PLEKHA5: variants seen among roughly 807,000 people sequenced by gnomAD.
The protein encoded by PLEKHA5 is pleckstrin homology domain-containing family A member 5.
PLEKHA5 carries 55 observed loss-of-function variants against 181.9 expected under a neutral mutation model. The ratio of observed to expected loss-of-function variants is 0.30; its 90% CI spans 0.24 to 0.38. The LOEUF (loss-of-function observed/expected upper bound fraction) is 0.38, where lower values mean the gene tolerates loss of function less well. Ranked by LOEUF, PLEKHA5 falls within the 10% of genes least tolerant of loss-of-function variation. PLEKHA5 has a pLI of 1.00. For synonymous variants in PLEKHA5, 535 were observed against 529.4 expected (o/e 1.01, Z -0.15); for missense variants, 1,432 against 1,549.5 (o/e 0.92, Z 1.27).
intron 21 of PLEKHA5, among the ~76,000 whole-genome samples, chr12:19,340,039 A>G (rs1239526200): frequency 6.6e-6 from 1 of 150,916 alleles, no homozygotes; most frequent in Non-Finnish European, 1.5e-5. Context: ...GAGAGAAAGA[A>G]AGAGAGAGAA....
chr12:19,198,934 G>GT (rs893170150), intron 3 of PLEKHA5, among the ~76,000 whole-genome samples: 2 of 152,030 alleles, frequency 1.3e-5, no homozygotes, highest in Middle Eastern at 3.4e-3. Flanking sequence ...GTATGGTTTT[G>GT]TTTTTTTGTT....
intron 3 of PLEKHA5, among the ~76,000 whole-genome samples, chr12:19,195,805 A>C (rs2052575373): frequency 6.6e-6 from 1 of 152,008 alleles, no homozygotes; most frequent in Admixed American, 6.6e-5. Context: ...AAAATAATGT[A>C]TGTATATCAT....
At chr12:19,306,841 C>T in intron 15 of PLEKHA5, 6 of 802,324 alleles carry the variant, frequency 7.5e-6, no homozygotes, top group Non-Finnish European at 1.1e-5. Flanking sequence ...CTTGACAGAG[C>T]TTTGATAACG....
intron 3 of PLEKHA5, chr12:19,154,206 C>T (rs1424903195): frequency 6.6e-6 from 1 of 152,034 alleles, no homozygotes; most frequent in South Asian, 2.1e-4. Flanking sequence ...GCATTACCTA[C>T]TCTAATTTTT....
At position 19,253,796 on chromosome 12, in the gene PLEKHA5, G is replaced by A. The variant is rs1438867650; in HGVS notation, c.228-144G>A. 3 of 632,266 alleles carry A rather than the reference G, an allele frequency of 4.7e-6. No homozygotes were observed. In the South Asian group the frequency reaches 5.5e-5, roughly 11 times the overall value. The allele number at this position is 632,266 out of a possible 1,614,324, so 39.2% of individuals were successfully genotyped here. ...GAATGCGCCATTGCACTCCAACCTG[G>A]GCGACAAGAATAAAACTCCGTCTCA... On this transcript the variant is annotated intron_variant, in intron 3 of 31. Coordinates refer to ENST00000429027, the MANE Select transcript of PLEKHA5 (RefSeq NM_001256470.2).
chr12:19,340,431 CA>C, intron 21 of PLEKHA5, among the ~76,000 whole-genome samples: 1 of 108,392 alleles, frequency 9.2e-6, no homozygotes, highest in Middle Eastern at 4.5e-3. Flanking sequence ...TCTGCCCGGC[CA>C]CCACCCCGTC....
intron 24 of PLEKHA5, among the ~76,000 whole-genome samples, 172 bp from the exon 25 acceptor site, chr12:19,348,227 T>G (rs2094433740): frequency 6.6e-6 from 1 of 152,176 alleles, no homozygotes; most frequent in Admixed American, 6.6e-5. Context: ...ACTTAAAAAT[T>G]TCTCAAATTT....
At chr12:19,182,124 CTT>C (rs1276839507) in intron 3 of PLEKHA5, among the ~76,000 whole-genome samples, 6 of 152,132 alleles carry the variant, frequency 3.9e-5, no homozygotes, top group African/African-American at 1.4e-4. Context: ...CTTTTTAAGA[CTT>C]ATTTATATAC....
At chr12:19,257,673 C>T in intron 6 of PLEKHA5, 136 bp downstream of exon 6, 1 of 597,782 alleles carries the variant, frequency 1.7e-6, no homozygotes, top group Admixed American at 3.5e-5. Context: ...TATTTGACTG[C>T]TTGTTACCCC....
At position 19,200,747 on chromosome 12, in the gene PLEKHA5, T is replaced by TG. The variant is rs781670111; in HGVS notation, c.228-53188dup. ...TGACAGAGGTACCCAAGGAATTCAC[T>TG]GGGGGAAAATGAATGATTCAATAAA... is the stretch of plus-strand genomic sequence containing the variant. On this transcript the variant is annotated intron_variant, in intron 3 of 31. Transcript: ENST00000429027. 5.8e-4 allele frequency: 469 copies of TG among 806,332 alleles called. 1 individual carries two copies. Among genetic ancestry groups the TG allele is most frequent in the Non-Finnish European group, 6.4e-4 (428 of 664,664 alleles). The allele number at this position is 806,332 out of a possible 1,614,324, so 49.9% of individuals were successfully genotyped here.
intron 20 of PLEKHA5, among the ~76,000 whole-genome samples, chr12:19,326,193 G>C (rs942460989): frequency 6.6e-6 from 1 of 151,988 alleles, no homozygotes; most frequent in Non-Finnish European, 1.5e-5. Flanking sequence ...TCTAAGACAA[G>C]TCTTATTGCA....
intron 15 of PLEKHA5, chr12:19,306,557 A>AG (rs2083730021): frequency 1.6e-5 from 12 of 762,426 alleles, no homozygotes; most frequent in Middle Eastern, 2.3e-4. Flanking sequence ...GAGCAACACT[A>AG]CCATCGTCCC....
At chr12:19,357,404 C>A (rs1431465552) in intron 26 of PLEKHA5, among the ~76,000 whole-genome samples, 1 of 151,958 alleles carries the variant, frequency 6.6e-6, no homozygotes, top group Non-Finnish European at 1.5e-5. Flanking sequence ...GCCACCATGC[C>A]TGGCTAAATT....
Position 19,171,340 on chromosome 12 carries a change from T to C in PLEKHA5, c.227+38890T>C, listed in dbSNP as rs1436269520. 2.0e-5 allele frequency among the ~76,000 whole-genome samples: 3 copies of C among 152,318 alleles called. No individual in the cohort carries two copies. The East Asian group carries it at 5.8e-4, about 29-fold the overall frequency. ...GCCTCTGGGAAGATTTTAATGTTTCTTTTAATATAAAAATGAAGAGACACT... is the reference window on the plus strand; with the variant it reads ...GCCTCTGGGAAGATTTTAATGTTTCCTTTAATATAAAAATGAAGAGACACT... On this transcript the variant is annotated intron_variant, in intron 3 of 31. Transcript: ENST00000429027.
At chr12:19,286,553 C>T (rs1477995805) in intron 12 of PLEKHA5, among the ~76,000 whole-genome samples, 2 of 152,118 alleles carry the variant, frequency 1.3e-5, no homozygotes, top group Admixed American at 6.5e-5. Flanking sequence ...TCCAGCCAGA[C>T]ATTAAAGATT....
intron 3 of PLEKHA5, among the ~76,000 whole-genome samples, chr12:19,144,074 A>G (rs2038211365): frequency 6.6e-6 from 1 of 152,216 alleles, no homozygotes; most frequent in African/African-American, 2.4e-5. Flanking sequence ...ATAAGAATGT[A>G]TGAAAGTGCC....
At chr12:19,232,344 A>G (rs796681720) in intron 3 of PLEKHA5, among the ~76,000 whole-genome samples, 3 of 152,254 alleles carry the variant, frequency 2.0e-5, no homozygotes, top group African/African-American at 7.2e-5. Flanking sequence ...CTGGACCTGA[A>G]TAATGTAAAT....
At chr12:19,252,649 A>G (rs575146168) in intron 3 of PLEKHA5, among the ~76,000 whole-genome samples, 1 of 152,156 alleles carries the variant, frequency 6.6e-6, no homozygotes, top group Admixed American at 6.5e-5. Context: ...TTCAGTAAAT[A>G]TAACAGATTT....
At chr12:19,192,016 C>T (rs1407218514) in intron 3 of PLEKHA5, among the ~76,000 whole-genome samples, 1 of 152,024 alleles carries the variant, frequency 6.6e-6, no homozygotes, top group East Asian at 1.9e-4. Context: ...TGTGTATACC[C>T]TTGTATAGTC....
Sources: gnomAD v4.1 joint callset for allele counts (sites outside exome capture counted in the v4.1 genomes callset) on GRCh38, gnomAD v4.1.1 for gene constraint, MANE v1.5 for transcripts, NCBI Gene and HGNC (gene_info 2026-07-23, HGNC 2026-07-21) for gene names.